Variants in ARL15 observed in about 807,000 individuals in gnomAD.
The protein encoded by ARL15 is ARF like GTPase 15.
In ARL15, 19 loss-of-function variants were observed where a neutral mutation model predicts 25.2. The observed-to-expected ratio is 0.75, with a 90% CI of 0.53 to 1.10. The LOEUF is 1.10. Among genes scored for constraint, ARL15 ranks in the 50% least tolerant of loss-of-function variants. ARL15 has a pLI of 0.00. For missense variants in ARL15, 220 were observed against 246.0 expected (o/e 0.89, Z 0.71); for synonymous variants, 94 against 86.8 (o/e 1.08, Z -0.46).
intron 3 of ARL15, among the ~76,000 whole-genome samples, chr5:54,146,391 G>T (rs1477805612): frequency 6.6e-6 from 1 of 152,076 alleles, no homozygotes; most frequent in Admixed American, 6.5e-5. Context: ...CAAGAGAATT[G>T]TTATCAGCAT....
intron 3 of ARL15, among the ~76,000 whole-genome samples, chr5:54,114,406 G>GGAAAAAAAAAAAAA (rs1342951039): frequency 8.1e-5 from 6 of 74,474 alleles, no homozygotes; most frequent in African/African-American, 2.3e-4. Context: ...TCCATCTCAA[G>GGAAAAAAAAAAAAA]AAAAAAAAAA....
intron 1 of ARL15, chr5:54,285,273 G>C: frequency 3.0e-6 from 2 of 658,748 alleles, no homozygotes; most frequent in Non-Finnish European, 1.9e-6. Flanking sequence ...GTTTAAGAGA[G>C]GTCTATAGAA....
chr5:54,294,824 A>G (rs1242301777), intron 1 of ARL15, among the ~76,000 whole-genome samples: 2 of 152,228 alleles, frequency 1.3e-5, no homozygotes, highest in Non-Finnish European at 2.9e-5. Flanking sequence ...CACTCACTGC[A>G]GTTATATAAA....
At chr5:53,908,868 G>C (rs538016438) in intron 4 of ARL15, among the ~76,000 whole-genome samples, 2 of 152,150 alleles carry the variant, frequency 1.3e-5, no homozygotes, top group Non-Finnish European at 2.9e-5. Context: ...ATTTGATACT[G>C]TGACACTGGA....
intron 4 of ARL15, among the ~76,000 whole-genome samples, chr5:53,918,598 C>T (rs539967864): frequency 6.6e-6 from 1 of 152,088 alleles, no homozygotes; most frequent in African/African-American, 2.4e-5. Context: ...GGGGGTCATG[C>T]AAAATAAAGC....
chr5:54,063,296 T>C (rs1166862148), intron 4 of ARL15, among the ~76,000 whole-genome samples: 1 of 152,194 alleles, frequency 6.6e-6, no homozygotes, highest in Non-Finnish European at 1.5e-5. Flanking sequence ...AAATGAGGAT[T>C]CTGCAGTTGG....
At position 54,130,109 on chromosome 5, in the gene ARL15, A is replaced by T. The variant is rs183083590; in HGVS notation, c.254-16699T>A. ...AAAAATCAGCCAGATATGGTGGCAC[A>T]TGCCTGTAGTCCCAGATAATTGGGA... On this transcript the variant is annotated intron_variant, in intron 3 of 4. Transcript: ENST00000504924. Among the ~76,000 whole-genome samples the T allele has an allele frequency of 4.9e-3, 742 of 152,254 alleles. 5 individuals are homozygous for T. The highest frequency in any genetic ancestry group is 8.2e-3 in the Non-Finnish European group (557 of 68,010).
rs935611881 is a variant in ARL15 at position 53,886,501 on chromosome 5, A to G, written c.*60T>C. Reference sequence around the variant, plus strand: ...AGTCTTGATACCAAAATAAAATTAAAATGAGAAACTAACATGATAGGTTCA... The same window carrying G: ...AGTCTTGATACCAAAATAAAATTAAGATGAGAAACTAACATGATAGGTTCA... On this transcript the variant is annotated 3_prime_UTR_variant, in exon 5 of 5. Transcript: ENST00000504924. 10 of 1,499,392 alleles carry G rather than the reference A, an allele frequency of 6.7e-6. No homozygotes were observed. The highest frequency in any genetic ancestry group is 8.9e-6 in the Non-Finnish European group (10 of 1,125,918). The allele number at this position is 1,499,392 out of a possible 1,614,324, so 92.9% of individuals were successfully genotyped here.
chr5:54,183,846 A>C (rs992584212), intron 1 of ARL15, among the ~76,000 whole-genome samples: 2 of 151,394 alleles, frequency 1.3e-5, no homozygotes, highest in African/African-American at 4.9e-5. Context: ...ACTTGGAACC[A>C]ACCCAAATGT....
chr5:54,207,917 C>A (rs1755916765), intron 1 of ARL15, among the ~76,000 whole-genome samples: 1 of 152,176 alleles, frequency 6.6e-6, no homozygotes, highest in Non-Finnish European at 1.5e-5. Context: ...AAGGCTACAC[C>A]TTTTATTTTC....
At chr5:53,960,374 G>A (rs530187369) in intron 4 of ARL15, among the ~76,000 whole-genome samples, 2 of 152,272 alleles carry the variant, frequency 1.3e-5, no homozygotes, top group African/African-American at 4.8e-5. Context: ...TGACAGCTCA[G>A]GTCACTACAA....
chr5:53,998,226 C>G (rs1165618540), intron 4 of ARL15, among the ~76,000 whole-genome samples: 1 of 151,592 alleles, frequency 6.6e-6, no homozygotes, highest in Non-Finnish European at 1.5e-5. Context: ...CTCGCTTTTC[C>G]CATCTCTTGA....
intron 1 of ARL15, among the ~76,000 whole-genome samples, chr5:54,204,803 G>A (rs1458271648): frequency 2.6e-5 from 4 of 152,164 alleles, no homozygotes; most frequent in Non-Finnish European, 4.4e-5. Context: ...AGCAAACAAA[G>A]CTCATTTAGT....
intron 1 of ARL15, among the ~76,000 whole-genome samples, chr5:54,246,829 CACACACACACACACACAG>C (rs1262250519): frequency 1.2e-4 from 17 of 141,196 alleles, no homozygotes; most frequent in African/African-American, 4.4e-4. Context: ...CACACACACA[CACACACACACACACACAG>C]AGTACATAAA....
intron 3 of ARL15, 103 bp downstream of exon 3, chr5:54,154,477 C>A (rs530877758): frequency 1.4e-6 from 1 of 694,520 alleles, no homozygotes; most frequent in South Asian, 2.0e-5. Context: ...AAATGAACCA[C>A]CTACTAAAAT....
At chr5:54,207,120 C>T (rs1249342899) in intron 1 of ARL15, among the ~76,000 whole-genome samples, 2 of 152,176 alleles carry the variant, frequency 1.3e-5, no homozygotes, top group Non-Finnish European at 1.5e-5. Context: ...GGTTCTTCTA[C>T]ACCACATGAT....
At chr5:54,003,111 A>G (rs1371067784) in intron 4 of ARL15, among the ~76,000 whole-genome samples, 1 of 152,196 alleles carries the variant, frequency 6.6e-6, no homozygotes, top group Non-Finnish European at 1.5e-5. Context: ...GGGCTTCAAA[A>G]TATATTCTGA....
intron 1 of ARL15, among the ~76,000 whole-genome samples, chr5:54,195,483 C>T (rs921150120): frequency 6.6e-6 from 1 of 152,144 alleles, no homozygotes; most frequent in Admixed American, 6.6e-5. Context: ...TGACAGTTGG[C>T]CCAACCTCTG....
At chr5:54,065,990 C>T (rs569279521) in intron 4 of ARL15, among the ~76,000 whole-genome samples, 159 of 152,304 alleles carry the variant, frequency 1.0e-3, no homozygotes, top group African/African-American at 3.7e-3. Flanking sequence ...ACTATTATTA[C>T]CACTACTTCA....
Sources: allele counts gnomAD v4.1 joint callset (sites outside exome capture counted in the v4.1 genomes callset), GRCh38; gene constraint gnomAD v4.1.1; transcripts MANE v1.5; gene names NCBI Gene and HGNC (gene_info 2026-07-23, HGNC 2026-07-21).